Variants in BCKDHB observed in about 807,000 individuals in gnomAD.
BCKDHB encodes the protein 2-oxoisovalerate dehydrogenase subunit beta, mitochondrial.
Under a neutral mutation model 48.5 loss-of-function variants are expected in BCKDHB, and 41 were observed. The ratio of observed to expected loss-of-function variants is 0.85; its 90% CI spans 0.66 to 1.10. The LOEUF is 1.10. Among genes scored for constraint, BCKDHB ranks in the 50% least tolerant of loss-of-function variants. BCKDHB has a pLI of 0.00. For missense variants in BCKDHB, 496 were observed against 494.2 expected, an observed-to-expected ratio of 1.00 and a Z score of -0.03; for synonymous variants, 201 against 174.8, an observed-to-expected ratio of 1.15 and a Z score of -1.18.
At chr6:80,271,752 G>T (rs923402934) in intron 8 of BCKDHB, among the ~76,000 whole-genome samples, 2 of 151,708 alleles carry the variant, frequency 1.3e-5, no homozygotes, top group Non-Finnish European at 2.9e-5. Flanking sequence ...TTCGGAGGTT[G>T]CAGTGAGCCG....
intron 3 of BCKDHB, among the ~76,000 whole-genome samples, chr6:80,159,468 T>C (rs1485679560): frequency 6.6e-6 from 1 of 152,222 alleles, no homozygotes; most frequent in Non-Finnish European, 1.5e-5. Flanking sequence ...TACTTAGTAA[T>C]TTTTTAAATT....
chr6:80,107,529 GCATATATATATATGCACACATATATA>G (rs1188509554), intron 1 of BCKDHB, among the ~76,000 whole-genome samples: 1 of 88,914 alleles, frequency 1.1e-5, no homozygotes, highest in East Asian at 3.4e-4. Context: ...ATATATATAT[GCATATATATATATGCACACATATATA>G]TGCATATATA....
intron 9 of BCKDHB, among the ~76,000 whole-genome samples, chr6:80,297,536 T>C (rs369308419): frequency 4.6e-5 from 7 of 152,328 alleles, no homozygotes; most frequent in African/African-American, 1.7e-4. Flanking sequence ...TTTAAGTTTC[T>C]CTTTAAAGCA....
rs371999499 is a variant in BCKDHB at position 80,194,722 on chromosome 6, GT to G, written c.743-6207del. Among the ~76,000 whole-genome samples the G allele has an allele frequency of 3.4e-4, 52 of 152,268 alleles. No individual in the cohort carries two copies. The East Asian group carries it at 8.7e-3, about 25-fold the overall frequency. On this transcript the variant is annotated intron_variant, in intron 6 of 9. Coordinates refer to ENST00000320393, the MANE Select transcript of BCKDHB (RefSeq NM_183050.4). ...GCATCATATGAGATGATGTTTACTTGTTTTTACTCTTCTGTTATGAATATGT... is the reference window on the plus strand; with the variant it reads ...GCATCATATGAGATGATGTTTACTTGTTTTACTCTTCTGTTATGAATATGT...
the BCKDHB span, among the ~76,000 whole-genome samples, chr6:80,390,785 T>A: frequency 6.6e-6 from 1 of 152,170 alleles, no homozygotes; most frequent in Non-Finnish European, 1.5e-5. Context: ...ATACTAAGTG[T>A]CAATGTGATT....
chr6:80,310,277 G>GGTA (rs1215006010), intron 9 of BCKDHB, among the ~76,000 whole-genome samples: 2 of 151,936 alleles, frequency 1.3e-5, no homozygotes, highest in Non-Finnish European at 2.9e-5. Flanking sequence ...GCATCAGGCT[G>GGTA]GTGTGTGTCA....
intron 8 of BCKDHB, among the ~76,000 whole-genome samples, chr6:80,204,608 C>T (rs1054243865): frequency 7.2e-5 from 11 of 151,860 alleles, no homozygotes; most frequent in African/African-American, 2.2e-4. Context: ...TGGCGCAGTG[C>T]GGAGGGCATT....
chr6:80,266,990 A>C (rs1777540605), intron 8 of BCKDHB, among the ~76,000 whole-genome samples: 1 of 151,312 alleles, frequency 6.6e-6, no homozygotes, highest in Non-Finnish European at 1.5e-5. Context: ...GACCACCACC[A>C]CCCCCCGCCC....
At chr6:80,204,064 G>T (rs1479938506) in intron 8 of BCKDHB, among the ~76,000 whole-genome samples, 2 of 152,064 alleles carry the variant, frequency 1.3e-5, no homozygotes, top group African/African-American at 4.8e-5. Flanking sequence ...AGGAAACAAT[G>T]ACATGTATTA....
intron 8 of BCKDHB, among the ~76,000 whole-genome samples, chr6:80,228,407 T>A (rs1184695429): frequency 6.6e-6 from 1 of 152,200 alleles, no homozygotes; most frequent in Non-Finnish European, 1.5e-5. Flanking sequence ...TCTCCCTGAG[T>A]GTGTAGTAAC....
At chr6:80,157,412 A>G (rs1343965567) in intron 3 of BCKDHB, among the ~76,000 whole-genome samples, 1 of 149,796 alleles carries the variant, frequency 6.7e-6, no homozygotes, top group Admixed American at 6.7e-5. Flanking sequence ...TTAAAATTCC[A>G]CTATGTACAA....
the BCKDHB span, among the ~76,000 whole-genome samples, chr6:80,410,049 C>T: frequency 6.6e-6 from 1 of 152,078 alleles, no homozygotes; most frequent in Non-Finnish European, 1.5e-5. Context: ...CATCAATGGC[C>T]TTTACAATTT....
At chr6:80,380,740 A>G in the BCKDHB span, among the ~76,000 whole-genome samples, 1 of 151,990 alleles carries the variant, frequency 6.6e-6, no homozygotes, top group Admixed American at 6.6e-5. Context: ...TAAACAAGAA[A>G]AAACAAACAA....
At chr6:80,375,722 A>G in the BCKDHB span, among the ~76,000 whole-genome samples, 1 of 152,022 alleles carries the variant, frequency 6.6e-6, no homozygotes, top group African/African-American at 2.4e-5. Context: ...TGTGTTAAAG[A>G]ACTTGTTTTA....
the BCKDHB span, among the ~76,000 whole-genome samples, chr6:80,406,626 A>G: frequency 6.6e-6 from 1 of 152,042 alleles, no homozygotes; most frequent in Non-Finnish European, 1.5e-5. Flanking sequence ...GCATTTTTTC[A>G]TGTGTCTGTT....
the BCKDHB span, among the ~76,000 whole-genome samples, chr6:80,433,849 A>G: frequency 9.2e-5 from 14 of 152,060 alleles, no homozygotes; most frequent in African/African-American, 2.4e-5. Context: ...TTTGATTTGG[A>G]ATCATTATGT....
chr6:80,216,277 G>A (rs1775167126), intron 8 of BCKDHB, among the ~76,000 whole-genome samples: 1 of 152,142 alleles, frequency 6.6e-6, no homozygotes, highest in Non-Finnish European at 1.5e-5. Flanking sequence ...TCACTTGAGA[G>A]TTTTGCTGAT....
chr6:80,163,999 A>T lies in BCKDHB; in HGVS notation c.344-3679A>T, dbSNP rs115599519. ...CTTACTGGGATTATTGCAGTAGCAG[A>T]TAATCAATCTTGCTGTGTCCACCCT... On this transcript the variant is annotated intron_variant, in intron 3 of 9. Coordinates refer to ENST00000320393, the MANE Select transcript of BCKDHB (RefSeq NM_183050.4). Among the ~76,000 whole-genome samples, 607 of 152,344 alleles carry T rather than the reference A, an allele frequency of 4.0e-3. 3 individuals carry two copies. The highest frequency in any genetic ancestry group is 0.014 in the African/African-American group (569 of 41,582).
At chr6:80,109,179 C>T (rs776122875) in intron 1 of BCKDHB, among the ~76,000 whole-genome samples, 20 of 152,134 alleles carry the variant, frequency 1.3e-4, no homozygotes, top group Non-Finnish European at 2.4e-4. Context: ...GGAGTTACTA[C>T]TTATCCTCTG....
Sources: allele counts gnomAD v4.1 joint callset (sites outside exome capture counted in the v4.1 genomes callset), GRCh38; gene constraint gnomAD v4.1.1; transcripts MANE v1.5; gene names NCBI Gene and HGNC (gene_info 2026-07-23, HGNC 2026-07-21).